Variants in RAB5C observed in about 807,000 individuals in gnomAD.
The protein encoded by RAB5C is RAB5C, member RAS oncogene family.
RAB5C carries 4 observed loss-of-function variants against 25.2 expected under a neutral mutation model. That is an observed-to-expected ratio of 0.16 (90% CI 0.08 to 0.36). The LOEUF is 0.36. RAB5C is among the 10% of genes least tolerant of loss of function. The pLI, the probability that RAB5C is intolerant of heterozygous loss-of-function variation, is 1.00. For synonymous variants in RAB5C, 100 were observed against 106.4 expected (o/e 0.94, Z 0.37); for missense variants, 199 against 283.8 (o/e 0.70, Z 2.15).
chr17:42,130,250 C>A (rs1007744947), intron 2 of RAB5C, 87 bp downstream of exon 2: 2 of 1,512,056 alleles, frequency 1.3e-6, no homozygotes, highest in Non-Finnish European at 1.8e-6. Flanking sequence ...GTCCCTAATG[C>A]AGGCAGGCAG....
At chr17:42,135,496 A>G (rs1360461375) in intron 1 of RAB5C, among the ~76,000 whole-genome samples, 1 of 152,138 alleles carries the variant, frequency 6.6e-6, no homozygotes, top group Non-Finnish European at 1.5e-5. Context: ...ATAAGTTCCC[A>G]GTGATTTTAA....
Position 42,130,952 on chromosome 17 carries a change from T to G in RAB5C, c.-88-362A>C, listed in dbSNP as rs572918480. Among the ~76,000 whole-genome samples, 5 of 152,232 alleles carry G rather than the reference T, an allele frequency of 3.3e-5. No individual in the cohort carries two copies. The East Asian group carries it at 9.7e-4, about 29-fold the overall frequency. On this transcript the variant is annotated intron_variant, in intron 1 of 5. Transcript: ENST00000346213. ...GGTGACAGTTAAGTCAACAGGCTTT[T>G]GGGGCAAAATTAAAACAAAACAAAA...
rs1476897293 is a variant in RAB5C, at chr17:42,125,187, G to T, written c.*596C>A. 6.5e-6 allele frequency: 1 copy of T among 152,688 alleles called. No homozygotes were observed. Among genetic ancestry groups the T allele is most frequent in the Non-Finnish European group, 1.5e-5 (1 of 68,170 alleles). The allele number at this position is 152,688 out of a possible 1,614,324, so 9.5% of individuals were successfully genotyped here. A position where few individuals can be genotyped will look rare whatever the true frequency, so the allele number is the denominator to read the frequency against. On this transcript the variant is annotated 3_prime_UTR_variant, in exon 6 of 6. Transcript: ENST00000346213. ...GGTGACCGAGGGTGGAGGGGTTGTG[G>T]GCAATGGGTTCGTGGCTGTCACAAT...
intron 1 of RAB5C, among the ~76,000 whole-genome samples, chr17:42,140,116 G>A (rs1376218947): frequency 1.3e-5 from 2 of 152,122 alleles, no homozygotes; most frequent in African/African-American, 4.8e-5. Flanking sequence ...CCTAGGCCCA[G>A]AAAGACTCCA....
At chr17:42,148,579 G>T (rs1051602454) in intron 1 of RAB5C, among the ~76,000 whole-genome samples, 4 of 152,046 alleles carry the variant, frequency 2.6e-5, no homozygotes, top group African/African-American at 9.7e-5. Flanking sequence ...GCCCCTAAAG[G>T]GCTCACCCAC....
chr17:42,130,089 G>T lies in RAB5C; in HGVS notation c.166+248C>A, dbSNP rs917805868. ...CCTCAGCCAAGGCCACACAGATCAA[G>T]AAGGGGCAGAAACAGGATGGGAAGC... On this transcript the variant is annotated intron_variant, in intron 2 of 5. Coordinates refer to ENST00000346213, the MANE Select transcript of RAB5C (RefSeq NM_004583.4). 5.8e-6 allele frequency: 3 copies of T among 514,786 alleles called. 1 individual carries two copies. The highest frequency in any genetic ancestry group is 5.8e-5 in the African/African-American group (3 of 52,120). The allele number at this position is 514,786 out of a possible 1,614,324, so 31.9% of individuals were successfully genotyped here. A position where few individuals can be genotyped will look rare whatever the true frequency, so the allele number is the denominator to read the frequency against.
chr17:42,146,255 C>G (rs2079634343), intron 1 of RAB5C, among the ~76,000 whole-genome samples: 3 of 152,072 alleles, frequency 2.0e-5, no homozygotes, highest in African/African-American at 7.2e-5. Context: ...AAAAGGACAT[C>G]AGGTAAAAAT....
At chr17:42,134,108 C>A (rs1035504824) in intron 1 of RAB5C, among the ~76,000 whole-genome samples, 1 of 152,076 alleles carries the variant, frequency 6.6e-6, no homozygotes, top group Non-Finnish European at 1.5e-5. Context: ...AGGAAGGGCG[C>A]ACGGAGATAT....
At chr17:42,127,801 A>G (rs1158206732) in intron 4 of RAB5C, among the ~76,000 whole-genome samples, 2 of 146,748 alleles carry the variant, frequency 1.4e-5, no homozygotes, top group Non-Finnish European at 3.0e-5. Flanking sequence ...TATTGGGATT[A>G]CAGGTGTGTG....
chr17:42,130,049 A>G, intron 2 of RAB5C: 1 of 348,776 alleles, frequency 2.9e-6, no homozygotes, highest in East Asian at 5.1e-5. Context: ...CCATGAGGCC[A>G]GGGCAGTGAA....
chr17:42,126,986 G>A, intron 4 of RAB5C, 138 bp from the exon 5 acceptor site: 2 of 517,714 alleles, frequency 3.9e-6, no homozygotes, highest in South Asian at 6.1e-5. Context: ...GAGTTTTCAG[G>A]CCTAAGGCTG....
At chr17:42,132,923 C>A (rs1017766616) in intron 1 of RAB5C, among the ~76,000 whole-genome samples, 9 of 152,304 alleles carry the variant, frequency 5.9e-5, no homozygotes, top group African/African-American at 1.7e-4. Context: ...CCCCCAGACC[C>A]ACCATAGACA....
At chr17:42,151,587 C>A (rs191312199) in intron 1 of RAB5C, among the ~76,000 whole-genome samples, 1 of 152,208 alleles carries the variant, frequency 6.6e-6, no homozygotes, top group East Asian at 1.9e-4. Context: ...CAGCAGGCAG[C>A]ACCACAGGAG....
intron 1 of RAB5C, among the ~76,000 whole-genome samples, chr17:42,151,421 A>G (rs1478237314): frequency 6.6e-6 from 1 of 151,714 alleles, no homozygotes; most frequent in African/African-American, 2.4e-5. Flanking sequence ...TAGGCGACAG[A>G]GCGAGACTCC....
chr17:42,144,568 C>T (rs919966924), intron 1 of RAB5C, among the ~76,000 whole-genome samples: 1 of 151,912 alleles, frequency 6.6e-6, no homozygotes, highest in East Asian at 1.9e-4. Context: ...AACCCCAGCA[C>T]CTTGGGAGGC....
intron 1 of RAB5C, chr17:42,131,516 C>T (rs762797957): frequency 1.5e-6 from 2 of 1,304,212 alleles, no homozygotes; most frequent in Admixed American, 2.0e-5. Flanking sequence ...ACAAAACACA[C>T]ACCGAAACAA....
At chr17:42,149,444 T>C (rs1029826027) in intron 1 of RAB5C, among the ~76,000 whole-genome samples, 1 of 152,072 alleles carries the variant, frequency 6.6e-6, no homozygotes, top group African/African-American at 2.4e-5. Context: ...TAGCCGGGCA[T>C]GGTGGTACAT....
intron 4 of RAB5C, 34 bp from the exon 5 acceptor site, chr17:42,126,882 G>C: frequency 7.7e-6 from 11 of 1,429,230 alleles, no homozygotes; most frequent in East Asian, 2.3e-5. Flanking sequence ...AGGTGAGAGG[G>C]AAATGTTGGC....
intron 1 of RAB5C, among the ~76,000 whole-genome samples, chr17:42,147,060 AAG>A (rs1568025014): frequency 1.3e-5 from 2 of 151,470 alleles, no homozygotes; most frequent in Admixed American, 6.6e-5. Flanking sequence ...CAGAAAAAGA[AAG>A]AAAGAAAGAA....
Sources: gnomAD v4.1 joint callset for allele counts (sites outside exome capture counted in the v4.1 genomes callset) on GRCh38, gnomAD v4.1.1 for gene constraint, MANE v1.5 for transcripts, NCBI Gene and HGNC (gene_info 2026-07-23, HGNC 2026-07-21) for gene names.